AGL: variants seen among roughly 807,000 people sequenced by gnomAD.
AGL encodes amylo-alpha-1,6-glucosidase and 4-alpha-glucanotransferase.
A neutral mutation model predicts 199.3 loss-of-function variants in AGL; 128 were observed. That is an observed-to-expected ratio of 0.64 (90% CI 0.56 to 0.74). The LOEUF is 0.74. AGL is among the 30% of genes least tolerant of loss of function. AGL has a pLI of 0.00. For synonymous variants in AGL, 584 were observed against 594.7 expected (o/e 0.98, Z 0.26); for missense variants, 1,809 against 1,820.8 (o/e 0.99, Z 0.12).
chr1:99,873,586 C>A (rs1340606728), intron 7 of AGL, among the ~76,000 whole-genome samples: 1 of 152,126 alleles, frequency 6.6e-6, no homozygotes, highest in Non-Finnish European at 1.5e-5. Flanking sequence ...AGGCATGTGC[C>A]ACCACACCCA....
At chr1:99,860,713 G>A (rs1462973619) in intron 2 of AGL, among the ~76,000 whole-genome samples, 1 of 152,168 alleles carries the variant, frequency 6.6e-6, no homozygotes, top group Non-Finnish European at 1.5e-5. Flanking sequence ...AGGGATATAG[G>A]CAGTAGTGTG....
At chr1:99,904,425 C>G (rs1438932582) in intron 27 of AGL, among the ~76,000 whole-genome samples, 1 of 152,166 alleles carries the variant, frequency 6.6e-6, no homozygotes, top group Non-Finnish European at 1.5e-5. Context: ...GCATCAGAGT[C>G]AGGAGATTGA....
chr1:99,870,442 A>G lies in AGL; in HGVS notation c.707A>G (p.Tyr236Cys), dbSNP rs1650892737. 2 of 1,614,098 alleles carry G rather than the reference A, an allele frequency of 1.2e-6. No individual in the cohort carries two copies. Among genetic ancestry groups the G allele is most frequent in the Non-Finnish European group, 1.7e-6 (2 of 1,179,972 alleles). Residue 236 changes from tyrosine to cysteine, a missense_variant, in exon 6 of 34, where the codon TAT becomes TGT. Coordinates refer to ENST00000361915, the MANE Select transcript of AGL (RefSeq NM_000642.3). ...KWIQEHPECAYNLVNSPHLKP... is the reference protein window; with the variant it reads ...KWIQEHPECACNLVNSPHLKP... ...ATCCAGGAACATCCAGAATGTGCCT[A>G]TAATCTTGTGAATTCTCCACACTTA...
chr1:99,852,840 C>T (rs1360077222), intron 2 of AGL: 3 of 713,988 alleles, frequency 4.2e-6, no homozygotes, highest in Admixed American at 1.9e-5. Context: ...GTATTCCCAC[C>T]CTGGACCTTG....
chr1:99,915,326 T>C, intron 30 of AGL, 63 bp from the exon 31 acceptor site: 1 of 1,315,668 alleles, frequency 7.6e-7, no homozygotes, highest in Non-Finnish European at 1.1e-6. Context: ...ATAGTTTCTG[T>C]GGGTAGGAAC....
At chr1:99,903,748 C>A (rs866975360) in intron 27 of AGL, among the ~76,000 whole-genome samples, 8 of 152,148 alleles carry the variant, frequency 5.3e-5, no homozygotes, top group African/African-American at 9.7e-5. Flanking sequence ...TAACAGTCCC[C>A]CCAACAGTGT....
intron 2 of AGL, chr1:99,861,259 T>A (rs929278630): frequency 6.6e-6 from 9 of 1,356,814 alleles, no homozygotes; most frequent in Non-Finnish European, 8.5e-6. Flanking sequence ...GGAATGCGTT[T>A]CCAGGGGAAG....
chr1:99,900,941 A>G (rs1653788985), intron 26 of AGL, 80 bp downstream of exon 26: 2 of 1,236,866 alleles, frequency 1.6e-6, no homozygotes, highest in Non-Finnish European at 1.2e-6. Context: ...TGTAAAAATA[A>G]GGGTAATTAA....
At chr1:99,896,957 C>T (rs1487767304) in intron 25 of AGL, among the ~76,000 whole-genome samples, 4 of 152,138 alleles carry the variant, frequency 2.6e-5, no homozygotes, top group African/African-American at 9.7e-5. Context: ...GCTGAGATTA[C>T]AGGCGCCCGC....
In AGL at chr1:99,900,815, G is replaced by A. The variant is rs1653767822; in HGVS notation, c.3542G>A (p.Arg1181Lys). ...GLDILKCPVS[R>K]MYPTDDSAPL... Reference sequence around the variant, plus strand: ...GACATTCTCAAGTGCCCAGTTTCCAGAATGTATCCTACAGATGATTCTGCT... The same window carrying A: ...GACATTCTCAAGTGCCCAGTTTCCAAAATGTATCCTACAGATGATTCTGCT... The change falls in exon 26 of 34, where the codon AGA (arginine) becomes AAA (lysine). Residue 1181 changes from arginine to lysine, a missense_variant. Arg to Lys is a conservative substitution (Grantham distance 26). Coordinates refer to ENST00000361915, the MANE Select transcript of AGL (RefSeq NM_000642.3). 1 of 1,613,378 alleles carries A rather than the reference G, an allele frequency of 6.2e-7. No individual in the cohort carries two copies. Among genetic ancestry groups the A allele is most frequent in the Non-Finnish European group, 8.5e-7 (1 of 1,179,844 alleles).
intron 7 of AGL, chr1:99,874,349 T>TA (rs969263411): frequency 2.0e-5 from 3 of 152,646 alleles, no homozygotes; most frequent in Admixed American, 6.6e-5. Flanking sequence ...AATATATATA[T>TA]AAAAAAATAA....
At chr1:99,895,186 T>C (rs1276557219) in intron 24 of AGL, among the ~76,000 whole-genome samples, 1 of 152,124 alleles carries the variant, frequency 6.6e-6, no homozygotes, top group Non-Finnish European at 1.5e-5. Flanking sequence ...GCAGCTGGGA[T>C]TACAGGCACC....
rs1332623931 is a variant in AGL at position 99,852,014 on chromosome 1, C to G, written c.82+890C>G. ...CATTTTTGGCTTTCCTGACTCTGCA[C>G]TTTTCTGGTTTTGATTTTTTTTTCC... On this transcript the variant is annotated intron_variant, in intron 2 of 33. Coordinates refer to ENST00000361915, the MANE Select transcript of AGL (RefSeq NM_000642.3). Among the ~76,000 whole-genome samples the G allele has an allele frequency of 2.6e-5, 4 of 152,112 alleles. No individual in the cohort carries two copies. The South Asian group carries it at 8.3e-4, about 32-fold the overall frequency.
chr1:99,857,166 C>G (rs1226896512), intron 2 of AGL, among the ~76,000 whole-genome samples: 1 of 152,190 alleles, frequency 6.6e-6, no homozygotes, highest in Non-Finnish European at 1.5e-5. Context: ...CCCCTCACCT[C>G]CCGGACGGGG....
upstream of AGL, among the ~76,000 whole-genome samples, chr1:99,849,273 C>G (rs1648713661): frequency 6.6e-6 from 1 of 151,636 alleles, no homozygotes; most frequent in Non-Finnish European, 1.5e-5. Context: ...AACTTATATC[C>G]TCTTTGGACC....
chr1:99,861,521 G>C lies in AGL; in HGVS notation c.101G>C (p.Arg34Pro), dbSNP rs746265668. 1.9e-6 allele frequency: 3 copies of C among 1,613,840 alleles called. No individual in the cohort carries two copies. Among genetic ancestry groups the C allele is most frequent in the East Asian group, 2.2e-5 (1 of 44,830 alleles). Residue 34 changes from arginine to proline, a missense_variant, in exon 3 of 34, where the codon CGA (arginine) becomes CCA (proline). Transcript: ENST00000361915. ...TATTTAGGGTATGAGCTACAGTTCC[G>C]ATTAGGCCCAACTTTACAGGGAAAA... is the stretch of plus-strand genomic sequence containing the variant. ...RLEQGYELQF[R>P]LGPTLQGKAV... is the part of the protein sequence containing the mutation.
intron 5 of AGL, among the ~76,000 whole-genome samples, chr1:99,868,135 C>T (rs1262924135): frequency 6.6e-6 from 1 of 152,086 alleles, no homozygotes; most frequent in African/African-American, 2.4e-5. Flanking sequence ...CTGTATCACT[C>T]CAGAAGTCCA....
chr1:99,899,530 T>C (rs201826940), intron 25 of AGL, among the ~76,000 whole-genome samples: 71,347 of 146,652 alleles, frequency 0.49, 17,708 homozygotes, highest in East Asian at 0.64. Flanking sequence ...CTCTCTCTCT[T>C]TCTCTCTCTC....
intron 2 of AGL, among the ~76,000 whole-genome samples, chr1:99,854,537 C>T (rs968876702): frequency 5.3e-5 from 8 of 151,564 alleles, no homozygotes; most frequent in Admixed American, 2.6e-4. Context: ...CCGAGGCGGG[C>T]GGATCACGAG....
Sources: gnomAD v4.1 joint callset for allele counts (sites outside exome capture counted in the v4.1 genomes callset) on GRCh38, gnomAD v4.1.1 for gene constraint, MANE v1.5 for transcripts, NCBI Gene and HGNC (gene_info 2026-07-23, HGNC 2026-07-21) for gene names.